NKAIN3: variants seen among roughly 807,000 people sequenced by gnomAD.
NKAIN3 encodes the protein sodium/potassium transporting ATPase interacting 3, also known as sodium/potassium-transporting ATPase subunit beta-1-interacting protein 3.
NKAIN3 carries 25 observed loss-of-function variants against 30.2 expected under a neutral mutation model. The observed-to-expected ratio is 0.83, with a 90% CI of 0.60 to 1.16. The LOEUF (loss-of-function observed/expected upper bound fraction) is 1.16. Ranked by LOEUF, NKAIN3 falls within the 50% of genes most tolerant of loss-of-function variation. The probability of loss-of-function intolerance (pLI) is 0.00; values close to 1 mark genes in which losing one functional copy is unlikely to be tolerated. For synonymous variants in NKAIN3, 91 were observed against 89.6 expected, an observed-to-expected ratio of 1.02 and a Z score of -0.09; for missense variants, 225 against 254.1, an observed-to-expected ratio of 0.89 and a Z score of 0.78.
intron 3 of NKAIN3, among the ~76,000 whole-genome samples, chr8:62,633,935 G>A (rs541750718): frequency 6.6e-6 from 1 of 152,152 alleles, no homozygotes; most frequent in South Asian, 2.1e-4. Flanking sequence ...AGGGTAGGAG[G>A]GTTCAGTATT....
chr8:62,505,372 A>G (rs1807598478), intron 1 of NKAIN3, among the ~76,000 whole-genome samples: 1 of 152,190 alleles, frequency 6.6e-6, no homozygotes, highest in African/African-American at 2.4e-5. Context: ...TTAGAGGAAT[A>G]TATACAACAG....
intron 5 of NKAIN3, among the ~76,000 whole-genome samples, chr8:62,935,075 T>C (rs931797624): frequency 6.6e-6 from 1 of 152,232 alleles, no homozygotes; most frequent in African/African-American, 2.4e-5. Context: ...AAACAAGTCA[T>C]AGAAGATAAA....
chr8:62,544,548 G>C (rs947494967), intron 1 of NKAIN3, among the ~76,000 whole-genome samples: 1 of 151,992 alleles, frequency 6.6e-6, no homozygotes, highest in Non-Finnish European at 1.5e-5. Flanking sequence ...CAAAAAAGTA[G>C]TAAATGCTTA....
intron 4 of NKAIN3, among the ~76,000 whole-genome samples, chr8:62,916,941 C>A (rs920509379): frequency 3.3e-5 from 5 of 151,874 alleles, no homozygotes; most frequent in Non-Finnish European, 5.9e-5. Context: ...AGAATCCCAC[C>A]CCACCCCCCT....
At chr8:62,660,643 T>C (rs1252481946) in intron 3 of NKAIN3, among the ~76,000 whole-genome samples, 1 of 152,228 alleles carries the variant, frequency 6.6e-6, no homozygotes, top group African/African-American at 2.4e-5. Flanking sequence ...AGGTTGTTCT[T>C]GATTCACAAA....
At chr8:62,625,572 C>T (rs1811764369) in intron 3 of NKAIN3, among the ~76,000 whole-genome samples, 1 of 152,102 alleles carries the variant, frequency 6.6e-6, no homozygotes, top group African/African-American at 2.4e-5. Flanking sequence ...CCAGGTTTCT[C>T]ATCTGCTAAT....
rs1461027643 is a variant in NKAIN3 at position 62,977,031 on chromosome 8, A to C, written c.*11624A>C. 4.6e-5 allele frequency among the ~76,000 whole-genome samples: 7 copies of C among 152,154 alleles called. No homozygotes were observed. On this transcript the variant is annotated 3_prime_UTR_variant, in exon 7 of 7. Transcript: ENST00000623646. ...TAGCCCCCAATCTCTTGTGGCTTTT[A>C]GGGTTTCTGCAGAGAGATCTGCTGT...
rs1451745040 is a variant in NKAIN3 at position 62,980,448 on chromosome 8, C to A, written c.*15041C>A. 2.0e-5 allele frequency: 3 copies of A among 152,158 alleles called. No individual in the cohort carries two copies. Among genetic ancestry groups the A allele is most frequent in the Non-Finnish European group, 4.4e-5 (3 of 68,028 alleles). The allele number at this position is 152,158 out of a possible 1,614,324, so 9.4% of individuals were successfully genotyped here. ...CCAAGCATAATCATTGCAATTATTT[C>A]TACTGTATTCAGATAATGATAATAC... On this transcript the variant is annotated 3_prime_UTR_variant, in exon 7 of 7. Transcript: ENST00000623646.
chr8:62,861,384 G>A (rs998432688), intron 4 of NKAIN3, among the ~76,000 whole-genome samples: 2 of 152,104 alleles, frequency 1.3e-5, no homozygotes, highest in Non-Finnish European at 2.9e-5. Context: ...AATTTCAAAT[G>A]TCACCAGGGA....
At chr8:62,870,472 A>G (rs1182456403) in intron 4 of NKAIN3, among the ~76,000 whole-genome samples, 2 of 136,710 alleles carry the variant, frequency 1.5e-5, no homozygotes, top group Admixed American at 7.5e-5. Context: ...ATACATATAT[A>G]TTGTATATAA....
At chr8:62,678,903 A>T (rs961456018) in intron 3 of NKAIN3, among the ~76,000 whole-genome samples, 2 of 152,192 alleles carry the variant, frequency 1.3e-5, no homozygotes, top group African/African-American at 2.4e-5. Flanking sequence ...TATCTAGTGA[A>T]TAAGGCTGGA....
At chr8:62,919,405 C>T (rs1464963279) in intron 5 of NKAIN3, among the ~76,000 whole-genome samples, 4 of 151,558 alleles carry the variant, frequency 2.6e-5, no homozygotes, top group Non-Finnish European at 4.4e-5. Flanking sequence ...CCACCATGTC[C>T]GGCTAATTTT....
chr8:62,447,210 C>A (rs982281479), intron 1 of NKAIN3, among the ~76,000 whole-genome samples: 2 of 151,994 alleles, frequency 1.3e-5, no homozygotes, highest in African/African-American at 4.8e-5. Flanking sequence ...ATGTGGCCAC[C>A]TTATCCCTTT....
intron 4 of NKAIN3, among the ~76,000 whole-genome samples, chr8:62,824,740 C>T (rs1818966879): frequency 6.6e-6 from 1 of 152,128 alleles, no homozygotes; most frequent in Non-Finnish European, 1.5e-5. Flanking sequence ...CTATATGGCT[C>T]TGACCAGTTC....
intron 1 of NKAIN3, among the ~76,000 whole-genome samples, chr8:62,542,761 TAAGA>T (rs925799584): frequency 3.3e-5 from 5 of 152,154 alleles, no homozygotes; most frequent in African/African-American, 1.2e-4. Flanking sequence ...CAATCAAACA[TAAGA>T]AAGAGTCCTC....
intron 1 of NKAIN3, among the ~76,000 whole-genome samples, chr8:62,362,821 T>G (rs922409258): frequency 3.9e-5 from 6 of 152,150 alleles, no homozygotes; most frequent in Non-Finnish European, 8.8e-5. Flanking sequence ...GAAAGTAAAG[T>G]GAGATATAGA....
chr8:62,429,083 A>G (rs1238448581), intron 1 of NKAIN3, among the ~76,000 whole-genome samples: 3 of 151,814 alleles, frequency 2.0e-5, no homozygotes, highest in Non-Finnish European at 4.4e-5. Flanking sequence ...TATTGAAGAG[A>G]CTGCCTTTTC....
At chr8:62,319,156 A>G (rs1428945569) in intron 1 of NKAIN3, among the ~76,000 whole-genome samples, 1 of 152,086 alleles carries the variant, frequency 6.6e-6, no homozygotes, top group East Asian at 1.9e-4. Context: ...GGTAGTTTCT[A>G]TTTCTGTGGG....
At chr8:62,360,812 G>A (rs752096304) in intron 1 of NKAIN3, among the ~76,000 whole-genome samples, 8 of 151,926 alleles carry the variant, frequency 5.3e-5, no homozygotes, top group Admixed American at 1.3e-4. Context: ...CCCTGTATTG[G>A]GTGCATATAT....
Sources: gnomAD v4.1 joint callset for allele counts (sites outside exome capture counted in the v4.1 genomes callset) on GRCh38, gnomAD v4.1.1 for gene constraint, MANE v1.5 for transcripts, NCBI Gene and HGNC (gene_info 2026-07-23, HGNC 2026-07-21) for gene names.